The following ACTR3B variants were observed in gnomAD, a reference collection of about 807,000 sequenced individuals.
ACTR3B encodes actin related protein 3B.
ACTR3B carries 8 observed loss-of-function variants against 59.0 expected under a neutral mutation model. That is an observed-to-expected ratio of 0.14 (90% CI 0.08 to 0.24). The LOEUF is 0.24. Among genes scored for constraint, ACTR3B ranks in the 10% least tolerant of loss-of-function variants. The pLI, the probability that ACTR3B is intolerant of heterozygous loss-of-function variation, is 1.00. For missense variants in ACTR3B, 245 were observed against 552.3 expected (o/e 0.44, Z 5.58); for synonymous variants, 148 against 197.9 (o/e 0.75, Z 2.12).
In ACTR3B at chr7:152,846,620, GCA is replaced by G. The variant is rs1445130923; in HGVS notation, c.952-5505_952-5504del. Among the ~76,000 whole-genome samples, 883 of 145,078 alleles carry G rather than the reference GCA, an allele frequency of 6.1e-3. 9 individuals carry two copies. Among genetic ancestry groups the G allele is most frequent in the African/African-American group, 0.022 (838 of 38,324 alleles). On this transcript the variant is annotated intron_variant, in intron 9 of 11. Coordinates refer to ENST00000256001, the MANE Select transcript of ACTR3B (RefSeq NM_020445.6). ...TGCAGTGAGCCCCAGCGCCCGGGCT[GCA>G]GTCTGTAGTGAGCCCCAGCGCCCGG... is the stretch of plus-strand genomic sequence containing the variant.
At chr7:152,823,266 T>C in intron 7 of ACTR3B, 76 bp from the exon 8 acceptor site, 1 of 1,576,936 alleles carries the variant, frequency 6.3e-7, no homozygotes, top group Non-Finnish European at 8.6e-7. Context: ...GCTCATGGGC[T>C]TCCTGGTTAT....
intron 9 of ACTR3B, among the ~76,000 whole-genome samples, chr7:152,837,188 A>G (rs1797531350): frequency 6.6e-6 from 1 of 152,218 alleles, no homozygotes; most frequent in Admixed American, 6.5e-5. Flanking sequence ...AAAAAAACAA[A>G]CAAACCAAAA....
chr7:152,771,573 A>G (rs529244574), intron 1 of ACTR3B, among the ~76,000 whole-genome samples: 29 of 152,328 alleles, frequency 1.9e-4, no homozygotes, highest in African/African-American at 7.0e-4. Context: ...GCTGTGGGAG[A>G]AGAATCCAGA....
At chr7:152,799,017 GT>G (rs2098226300) in intron 2 of ACTR3B, among the ~76,000 whole-genome samples, 1 of 152,118 alleles carries the variant, frequency 6.6e-6, no homozygotes, top group African/African-American at 2.4e-5. Context: ...TATTTTTTCT[GT>G]TTCTGTGAAG....
At chr7:152,779,199 C>T (rs1418652191) in intron 1 of ACTR3B, among the ~76,000 whole-genome samples, 4 of 151,906 alleles carry the variant, frequency 2.6e-5, no homozygotes, top group African/African-American at 7.3e-5. Context: ...TGCGGGTGAG[C>T]GAGGGGTGTT....
chr7:152,853,471 G>C (rs766501739), intron 10 of ACTR3B, 23 bp from the exon 11 acceptor site: 5 of 1,611,138 alleles, frequency 3.1e-6, no homozygotes, highest in Non-Finnish European at 4.2e-6. Context: ...TGTGGGGTAA[G>C]TGAGAGCTGC....
chr7:152,848,095 A>G (rs1194257546), intron 9 of ACTR3B, among the ~76,000 whole-genome samples: 1 of 152,252 alleles, frequency 6.6e-6, no homozygotes, highest in Non-Finnish European at 1.5e-5. Context: ...GAATAACAAT[A>G]GCTCAGAACG....
At chr7:152,851,507 G>A (rs536474248) in intron 9 of ACTR3B, among the ~76,000 whole-genome samples, 6 of 152,352 alleles carry the variant, frequency 3.9e-5, no homozygotes, top group Non-Finnish European at 4.4e-5. Context: ...GGTTGACAAC[G>A]CGGAGATGCT....
intron 11 of ACTR3B, 67 bp downstream of exon 11, chr7:152,853,644 T>A: frequency 2.1e-6 from 3 of 1,402,788 alleles, no homozygotes; most frequent in Non-Finnish European, 3.0e-6. Context: ...GGGTAAATAC[T>A]GTCTACGAAG....
At chr7:152,808,433 C>T (rs2689435) in intron 4 of ACTR3B, among the ~76,000 whole-genome samples, 110,103 of 148,696 alleles carry the variant, frequency 0.74, 41,053 homozygotes, top group East Asian at 0.87. Context: ...GATGTTTGTA[C>T]TTAATCTTCA....
intron 9 of ACTR3B, among the ~76,000 whole-genome samples, chr7:152,849,599 T>C (rs955420613): frequency 3.3e-5 from 5 of 152,198 alleles, no homozygotes; most frequent in South Asian, 2.1e-4. Context: ...TAAAATACAC[T>C]AGCACTAATG....
At chr7:152,788,848 C>G (rs2098183720) in intron 2 of ACTR3B, among the ~76,000 whole-genome samples, 1 of 152,150 alleles carries the variant, frequency 6.6e-6, no homozygotes, top group Admixed American at 6.5e-5. Flanking sequence ...ATGGTGAAAC[C>G]TTGTCTCTAC....
chr7:152,822,460 C>T (rs115388731), intron 7 of ACTR3B, among the ~76,000 whole-genome samples: 1,839 of 152,366 alleles, frequency 0.012, 36 homozygotes, highest in African/African-American at 0.042. Context: ...CTTCGCATCC[C>T]TCAGGCTGCC....
chr7:152,807,700 C>T (rs947424596), intron 4 of ACTR3B, among the ~76,000 whole-genome samples: 3 of 152,158 alleles, frequency 2.0e-5, no homozygotes, highest in African/African-American at 7.2e-5. Flanking sequence ...TTGCCATATG[C>T]TTTACATTTG....
chr7:152,759,807 G>A lies in ACTR3B; in HGVS notation c.-76G>A, dbSNP rs1305991086. On this transcript the variant is annotated 5_prime_UTR_variant, in exon 1 of 12. Coordinates refer to ENST00000256001, the MANE Select transcript of ACTR3B (RefSeq NM_020445.6). ...GCTCGCGGGAGACGCTGCGCGCGGG[G>A]CTAGCGGGCGGCGGAGCGGACGGCG... The A allele has an allele frequency of 2.7e-6, 3 of 1,114,756 alleles. No individual in the cohort carries two copies. The highest frequency in any genetic ancestry group is 3.3e-6 in the Non-Finnish European group (3 of 901,766). The allele number at this position is 1,114,756 out of a possible 1,614,324, so 69.1% of individuals were successfully genotyped here.
intron 9 of ACTR3B, among the ~76,000 whole-genome samples, chr7:152,844,065 ATTAT>A (rs1271958744): frequency 2.0e-5 from 3 of 152,322 alleles, no homozygotes; most frequent in African/African-American, 7.2e-5. Context: ...AAATTAAAAA[ATTAT>A]TTATTTTTAT....
At chr7:152,760,042 C>A in intron 1 of ACTR3B, 116 bp downstream of exon 1, 2 of 985,812 alleles carry the variant, frequency 2.0e-6, no homozygotes, top group Non-Finnish European at 1.3e-6. Context: ...GCCCCGCGAT[C>A]ACCTGGGCAG....
rs532802850 is a variant in ACTR3B, at chr7:152,800,481, A to C, written c.101-50A>C. The stretch of plus-strand genomic sequence containing the variant: ...AGGATATTATCCCTTTTGATCATTT[A>C]AATAGATATGGATAGTGATAGAAAT... On this transcript the variant is annotated intron_variant, in intron 2 of 11. Transcript: ENST00000256001. 65 of 1,594,566 alleles carry C rather than the reference A, an allele frequency of 4.1e-5. 1 individual carries two copies. In the Middle Eastern group the frequency reaches 8.4e-4, roughly 21 times the overall value.
At chr7:152,778,421 A>G (rs1412546479) in intron 1 of ACTR3B, among the ~76,000 whole-genome samples, 4 of 151,748 alleles carry the variant, frequency 2.6e-5, no homozygotes, top group Non-Finnish European at 1.5e-5. Context: ...ATTTTAGTAT[A>G]GAGATGGGGT....
Sources: gnomAD v4.1 joint callset for allele counts (sites outside exome capture counted in the v4.1 genomes callset) on GRCh38, gnomAD v4.1.1 for gene constraint, MANE v1.5 for transcripts, NCBI Gene and HGNC (gene_info 2026-07-23, HGNC 2026-07-21) for gene names.